The following NPTN variants were observed in gnomAD, a reference collection of about 807,000 sequenced individuals.
NPTN encodes the protein SDR-1.
In NPTN, 5 loss-of-function variants were observed where a neutral mutation model predicts 42.7. The observed-to-expected ratio is 0.12, with a 90% CI of 0.06 to 0.25. The LOEUF is 0.25. Among genes scored for constraint, NPTN ranks in the 10% least tolerant of loss-of-function variants. The pLI is 1.00. For missense variants in NPTN, 307 were observed against 525.4 expected (o/e 0.58, Z 4.06); for synonymous variants, 180 against 201.9 (o/e 0.89, Z 0.92).
At chr15:73,614,959 T>G (rs964098459) in intron 1 of NPTN, among the ~76,000 whole-genome samples, 1 of 152,204 alleles carries the variant, frequency 6.6e-6, no homozygotes, top group Non-Finnish European at 1.5e-5. Context: ...TAATGTCAGT[T>G]TGTTTTCTAA....
chr15:73,604,446 C>T (rs1263009360), intron 1 of NPTN, among the ~76,000 whole-genome samples: 6 of 152,060 alleles, frequency 3.9e-5, no homozygotes, highest in Admixed American at 3.3e-4. Flanking sequence ...ACAGAGGAGA[C>T]CCTGTCTCAA....
chr15:73,604,042 G>C (rs1294644916), intron 1 of NPTN, among the ~76,000 whole-genome samples: 1 of 152,028 alleles, frequency 6.6e-6, no homozygotes, highest in East Asian at 1.9e-4. Flanking sequence ...TGGTATGACG[G>C]ATCTCCCTCA....
intron 4 of NPTN, among the ~76,000 whole-genome samples, chr15:73,584,665 T>C (rs1242598315): frequency 6.6e-6 from 1 of 151,166 alleles, no homozygotes; most frequent in Non-Finnish European, 1.5e-5. Flanking sequence ...CCCTGCTCCA[T>C]CTTCCTTCTC....
chr15:73,621,608 AACAG>A (rs1347814164), intron 1 of NPTN, among the ~76,000 whole-genome samples: 1 of 152,228 alleles, frequency 6.6e-6, no homozygotes, highest in Non-Finnish European at 1.5e-5. Flanking sequence ...CTAAAATGCA[AACAG>A]ACAGTATTAC....
At chr15:73,580,165 T>C (rs1895912526) in intron 4 of NPTN, among the ~76,000 whole-genome samples, 1 of 151,634 alleles carries the variant, frequency 6.6e-6, no homozygotes, top group Non-Finnish European at 1.5e-5. Flanking sequence ...ATGCTTTTTG[T>C]ACTTTAACAT....
At position 73,573,860 on chromosome 15, in the gene NPTN, C is replaced by A. The variant is rs995732304; in HGVS notation, c.707-65G>T. On this transcript the variant is annotated intron_variant, in intron 4 of 8. Transcript: ENST00000345330. ...CTCCAAACAGGATACAAAGGCCCCA[C>A]CTTCTGGCTCAGAGCCCTGCTTGTA... 1.9e-6 allele frequency: 3 copies of A among 1,576,838 alleles called. No homozygotes were observed. The African/African-American group carries it at 4.1e-5, about 22-fold the overall frequency.
At chr15:73,564,271 G>T (rs1017159442) in intron 6 of NPTN, among the ~76,000 whole-genome samples, 2 of 152,148 alleles carry the variant, frequency 1.3e-5, no homozygotes, top group African/African-American at 2.4e-5. Context: ...TTCACTGAAG[G>T]CTTCTAGAAA....
intron 1 of NPTN, among the ~76,000 whole-genome samples, chr15:73,603,184 T>C (rs1897145517): frequency 6.6e-6 from 1 of 152,240 alleles, no homozygotes; most frequent in Non-Finnish European, 1.5e-5. Context: ...CACAGGGTTA[T>C]TGTGAGGATT....
chr15:73,574,717 G>A (rs889240720), intron 4 of NPTN, among the ~76,000 whole-genome samples: 1 of 152,026 alleles, frequency 6.6e-6, no homozygotes, highest in Non-Finnish European at 1.5e-5. Context: ...CTGGCCCTAA[G>A]ACCTTTTATT....
chr15:73,566,962 T>C lies in NPTN; in HGVS notation c.1114+3188A>G, dbSNP rs1042771871. ...GTGGGTGTTTTCATGTAGGAAATGG[T>C]CTGAGAATACTCCAGTAGGTAAAGA... On this transcript the variant is annotated intron_variant, in intron 6 of 8. Transcript: ENST00000345330. 7 of 932,588 alleles carry C rather than the reference T, an allele frequency of 7.5e-6. No individual in the cohort carries two copies. The African/African-American group carries it at 1.3e-4, about 17-fold the overall frequency. The allele number at this position is 932,588 out of a possible 1,614,324, so 57.8% of individuals were successfully genotyped here.
chr15:73,608,205 G>T (rs971140647), intron 1 of NPTN, among the ~76,000 whole-genome samples: 1 of 152,128 alleles, frequency 6.6e-6, no homozygotes, highest in Admixed American at 6.5e-5. Flanking sequence ...TGTTTACCAA[G>T]GACTGTGCAC....
intron 3 of NPTN, among the ~76,000 whole-genome samples, chr15:73,591,376 A>C (rs1409191776): frequency 6.6e-6 from 1 of 152,164 alleles, no homozygotes; most frequent in Non-Finnish European, 1.5e-5. Context: ...TCCAAAAAGC[A>C]CCAAATATTT....
At chr15:73,600,737 C>T (rs764957727) in intron 1 of NPTN, among the ~76,000 whole-genome samples, 1 of 152,124 alleles carries the variant, frequency 6.6e-6, no homozygotes, top group South Asian at 2.1e-4. Context: ...AAGCCAGGAA[C>T]CTTTGACCAA....
At chr15:73,594,968 AAGC>A (rs922725752) in intron 2 of NPTN, among the ~76,000 whole-genome samples, 2 of 151,910 alleles carry the variant, frequency 1.3e-5, no homozygotes, top group East Asian at 1.9e-4. Flanking sequence ...AAAAAAAAAA[AAGC>A]AGCAGCAGCA....
rs1049829048 is a variant in NPTN, at chr15:73,573,755, C to T, written c.747G>A (p.Lys249=). The part of the protein sequence containing the change: ...DITGHKRSEN[K]NEGQDATMYC... ...ACATAGTGGCATCCTGCCCTTCATT[C>T]TTGTTCTCACTCCGTTTATGGCCAG... The change falls in exon 5 of 9, where the codon AAG becomes AAA. Residue 249 remains lysine (K), a synonymous_variant. Coordinates refer to ENST00000345330, the MANE Select transcript of NPTN (RefSeq NM_012428.4). 6.2e-7 allele frequency: 1 copy of T among 1,601,362 alleles called. No individual in the cohort carries two copies.
chr15:73,612,549 C>T (rs531944795), intron 1 of NPTN, among the ~76,000 whole-genome samples: 15 of 152,082 alleles, frequency 9.9e-5, no homozygotes, highest in South Asian at 8.3e-4. Flanking sequence ...GGGCGGATCA[C>T]GAGGTCAGGA....
intron 4 of NPTN, among the ~76,000 whole-genome samples, chr15:73,585,331 G>T (rs1896264668): frequency 6.6e-6 from 1 of 152,100 alleles, no homozygotes; most frequent in African/African-American, 2.4e-5. Flanking sequence ...GCTATAAAAA[G>T]ATAACTGTCT....
rs962246744 is a variant in NPTN, at chr15:73,560,549, G to A, written c.*514C>T. The A allele has an allele frequency of 2.6e-5, 4 of 151,546 alleles. No homozygotes were observed. In the South Asian group the frequency reaches 8.3e-4, roughly 32 times the overall value. The allele number at this position is 151,546 out of a possible 1,614,324, so 9.4% of individuals were successfully genotyped here. ...TCCTCATCTGACAACATACAATAAGGAATGAATATCAGCAGCTTAAAAATG... is the reference window on the plus strand; with the variant it reads ...TCCTCATCTGACAACATACAATAAGAAATGAATATCAGCAGCTTAAAAATG... On this transcript the variant is annotated 3_prime_UTR_variant, in exon 9 of 9. Coordinates refer to ENST00000345330, the MANE Select transcript of NPTN (RefSeq NM_012428.4).
intron 1 of NPTN, among the ~76,000 whole-genome samples, chr15:73,622,411 A>C (rs1483607953): frequency 6.6e-6 from 1 of 152,030 alleles, no homozygotes; most frequent in East Asian, 1.9e-4. Flanking sequence ...TTAAACGAGA[A>C]GTCCCAGAAA....
Sources: gnomAD v4.1 joint callset for allele counts (sites outside exome capture counted in the v4.1 genomes callset) on GRCh38, gnomAD v4.1.1 for gene constraint, MANE v1.5 for transcripts, NCBI Gene and HGNC (gene_info 2026-07-23, HGNC 2026-07-21) for gene names.